CES5A: variants seen among roughly 807,000 people sequenced by gnomAD.
CES5A encodes carboxylesterase 5A, also known as carboxylesterase 5.
Under a neutral mutation model 62.9 loss-of-function variants are expected in CES5A, and 67 were observed. That is an observed-to-expected ratio of 1.07 (90% CI 0.88 to 1.31). The LOEUF is 1.31. Ranked by LOEUF, CES5A falls within the 50% of genes most tolerant of loss-of-function variation. The pLI is 0.00. For missense variants in CES5A, 748 were observed against 708.5 expected, an observed-to-expected ratio of 1.06 and a Z score of -0.63; for synonymous variants, 296 against 280.8, an observed-to-expected ratio of 1.05 and a Z score of -0.54.
intron 1 of CES5A, among the ~76,000 whole-genome samples, chr16:55,882,111 A>G (rs2033767858): frequency 6.6e-6 from 1 of 152,182 alleles, no homozygotes; most frequent in South Asian, 2.1e-4. Flanking sequence ...CCCTTACTAG[A>G]TCTTTCCAGA....
At chr16:55,910,817 C>T (rs942462358) in intron 1 of CES5A, among the ~76,000 whole-genome samples, 16 of 151,428 alleles carry the variant, frequency 1.1e-4, no homozygotes, top group Non-Finnish European at 2.1e-4. Context: ...GGCCCAGCTG[C>T]CCATGGCCAG....
rs192467169 is a variant in CES5A, at chr16:55,866,116, G to T, written c.552C>A (p.Thr184=). The part of the protein sequence containing the change: ...QYRLGIFGFF[T]TWDQHAPGNW... Reference sequence around the variant, plus strand: ...TCCCCGGAGCATGCTGATCCCATGTGCTGAGGACAAGAGGCAGGGTGAGAA... The same window carrying T: ...TCCCCGGAGCATGCTGATCCCATGTTCTGAGGACAAGAGGCAGGGTGAGAA... Residue 184 remains threonine (T), a splice_region_variant and synonymous_variant, in exon 5 of 13, where the codon ACC becomes ACA. Transcript: ENST00000290567. 4 of 1,609,864 alleles carry T rather than the reference G, an allele frequency of 2.5e-6. No individual in the cohort carries two copies. The African/African-American group carries it at 5.3e-5, about 21-fold the overall frequency.
At position 55,871,778 on chromosome 16, in the gene CES5A, G is replaced by A. The variant is rs1411149592; in HGVS notation, c.279-15C>T. 6.2e-7 allele frequency: 1 copy of A among 1,612,502 alleles called. No homozygotes were observed. Among genetic ancestry groups the A allele is most frequent in the East Asian group, 2.2e-5 (1 of 44,810 alleles). ...TCTGGAGGCACCTTGGAGAAGGAGA[G>A]GAGAAAACCCTCAGAAAAAGTTATC... On this transcript the variant is annotated splice_polypyrimidine_tract_variant and intron_variant, in intron 2 of 12. Coordinates refer to ENST00000290567, the MANE Select transcript of CES5A (RefSeq NM_001143685.2).
intron 1 of CES5A, among the ~76,000 whole-genome samples, chr16:55,887,644 C>A (rs539085043): frequency 2.0e-5 from 3 of 152,152 alleles, no homozygotes; most frequent in African/African-American, 7.2e-5. Context: ...AAGCTGCAAC[C>A]AGCATGAAGA....
chr16:55,899,715 A>G (rs2033970968), intron 1 of CES5A, among the ~76,000 whole-genome samples: 1 of 152,180 alleles, frequency 6.6e-6, no homozygotes. Flanking sequence ...TTCGATAGTC[A>G]CAGCTAGTGG....
intron 1 of CES5A, among the ~76,000 whole-genome samples, chr16:55,895,163 C>T (rs910798198): frequency 3.9e-5 from 6 of 152,224 alleles, no homozygotes; most frequent in Non-Finnish European, 8.8e-5. Context: ...CCTTAAGACA[C>T]ACACAGAGTA....
chr16:55,949,856 T>C, exon 2 of CES5A: 2 of 1,527,630 alleles, frequency 1.3e-6, no homozygotes, highest in Non-Finnish European at 1.8e-6. Flanking sequence ...TGGATAAAAA[T>C]AGTAAACCAG....
chr16:55,872,400 G>A (rs77310782), intron 2 of CES5A, among the ~76,000 whole-genome samples: 4 of 152,048 alleles, frequency 2.6e-5, no homozygotes, highest in Admixed American at 6.6e-5. Flanking sequence ...CCTCTTCTTC[G>A]GAAACACCCA....
At chr16:55,854,930 T>C (rs2033209880) in intron 9 of CES5A, among the ~76,000 whole-genome samples, 1 of 152,202 alleles carries the variant, frequency 6.6e-6, no homozygotes, top group Non-Finnish European at 1.5e-5. Flanking sequence ...TTACAACAGC[T>C]GAAAGCATTC....
At chr16:55,853,148 C>T in intron 9 of CES5A, 120 bp from the exon 10 acceptor site, 3 of 960,702 alleles carry the variant, frequency 3.1e-6, no homozygotes, top group Non-Finnish European at 3.2e-6. Flanking sequence ...TTAACCCACA[C>T]AGCAACCCTA....
intron 1 of CES5A, among the ~76,000 whole-genome samples, chr16:55,895,852 G>T (rs1417482413): frequency 6.6e-6 from 1 of 152,106 alleles, no homozygotes; most frequent in African/African-American, 2.4e-5. Context: ...TTGAAGGGGG[G>T]CCTGGTGGGA....
At chr16:55,867,186 G>A (rs138635926) in intron 4 of CES5A, among the ~76,000 whole-genome samples, 97 of 152,284 alleles carry the variant, frequency 6.4e-4, no homozygotes, top group Admixed American at 1.5e-3. Context: ...AGCAGCTCAT[G>A]CCAGCTCCCT....
At position 55,849,594 on chromosome 16, in the gene CES5A, G is replaced by C. The variant is rs2033085993; in HGVS notation, c.1423+30C>G. ...TGGTGGGGTAAGCAAGGGGCTTCATGTGAACTGTGGGAAGTGGCCAGTCCC... is the reference window on the plus strand; with the variant it reads ...TGGTGGGGTAAGCAAGGGGCTTCATCTGAACTGTGGGAAGTGGCCAGTCCC... On this transcript the variant is annotated intron_variant, in intron 11 of 12. Transcript: ENST00000290567. The C allele has an allele frequency of 3.7e-6, 6 of 1,611,774 alleles. No homozygotes were observed. In the South Asian group the frequency reaches 6.6e-5, roughly 18 times the overall value.
intron 5 of CES5A, 47 bp from the exon 6 acceptor site, chr16:55,863,499 C>G: frequency 1.1e-6 from 1 of 915,212 alleles, no homozygotes; most frequent in South Asian, 1.3e-5. Flanking sequence ...TCCCCACCAA[C>G]ACACATACCA....
chr16:55,885,258 C>A (rs1040702025), intron 1 of CES5A, among the ~76,000 whole-genome samples: 2 of 152,146 alleles, frequency 1.3e-5, no homozygotes, highest in Non-Finnish European at 2.9e-5. Flanking sequence ...TGAGCCATCA[C>A]CTTGTGCCTC....
chr16:55,934,016 C>T (rs2034341528), intron 2 of CES5A, among the ~76,000 whole-genome samples: 1 of 152,112 alleles, frequency 6.6e-6, no homozygotes, highest in South Asian at 2.1e-4. Context: ...GGCCCTTGCA[C>T]TTGTTGTTCC....
chr16:55,939,633 G>C (rs896299698), intron 2 of CES5A, among the ~76,000 whole-genome samples: 2 of 152,114 alleles, frequency 1.3e-5, no homozygotes, highest in South Asian at 4.1e-4. Context: ...CCTACTCTTA[G>C]ATAGGAATGA....
intron 1 of CES5A, among the ~76,000 whole-genome samples, chr16:55,907,595 A>G (rs17266122): frequency 0.14 from 22,070 of 152,252 alleles, 1,718 homozygotes; most frequent in Non-Finnish European, 0.18. Flanking sequence ...CAAATGGTTC[A>G]TCGTGGTTCT....
intron 3 of CES5A, among the ~76,000 whole-genome samples, chr16:55,871,367 G>C (rs1408218434): frequency 1.3e-5 from 2 of 152,138 alleles, no homozygotes; most frequent in African/African-American, 4.8e-5. Context: ...AAAGCTTTCA[G>C]GTCACTAAAT....
Sources: gnomAD v4.1 joint callset for allele counts (sites outside exome capture counted in the v4.1 genomes callset) on GRCh38, gnomAD v4.1.1 for gene constraint, MANE v1.5 for transcripts, NCBI Gene and HGNC (gene_info 2026-07-23, HGNC 2026-07-21) for gene names.